NR3C2: variants seen among roughly 807,000 people sequenced by gnomAD.
NR3C2 encodes nuclear receptor subfamily 3 group C member 2.
NR3C2 carries 15 observed loss-of-function variants against 86.4 expected under a neutral mutation model. The observed-to-expected ratio is 0.17, with a 90% confidence interval of 0.12 to 0.27. The LOEUF is 0.27. Ranked by LOEUF, NR3C2 falls within the 10% of genes least tolerant of loss-of-function variation. NR3C2 has a pLI of 1.00. For missense variants in NR3C2, 960 were observed against 1,195.6 expected (o/e 0.80, Z 2.91); for synonymous variants, 458 against 450.5 (o/e 1.02, Z -0.21).
At chr4:148,389,995 A>T (rs1747458563) in intron 2 of NR3C2, among the ~76,000 whole-genome samples, 1 of 152,126 alleles carries the variant, frequency 6.6e-6, no homozygotes, top group Non-Finnish European at 1.5e-5. Flanking sequence ...AATCGTTCAA[A>T]CTGTTTGCAG....
At chr4:148,258,594 C>A (rs768726126) in intron 3 of NR3C2, among the ~76,000 whole-genome samples, 8 of 152,224 alleles carry the variant, frequency 5.3e-5, no homozygotes, top group East Asian at 1.9e-4. Context: ...CAAGTTCAAT[C>A]TGAGGAGATT....
intron 8 of NR3C2, among the ~76,000 whole-genome samples, 173 bp from the exon 9 acceptor site, chr4:148,081,672 C>T (rs1016091396): frequency 1.3e-5 from 2 of 152,150 alleles, no homozygotes; most frequent in African/African-American, 4.8e-5. Flanking sequence ...GAAGGGTGCT[C>T]ACATCACCCA....
chr4:148,130,819 GTTTT>G (rs376180676), intron 6 of NR3C2, among the ~76,000 whole-genome samples: 32,060 of 108,890 alleles, frequency 0.29, 4,987 homozygotes, highest in Middle Eastern at 0.45. Flanking sequence ...GTTTTGTTTT[GTTTT>G]TTTTTTTTTT....
At chr4:148,116,725 A>T (rs904249678) in intron 7 of NR3C2, among the ~76,000 whole-genome samples, 1 of 152,250 alleles carries the variant, frequency 6.6e-6, no homozygotes, top group East Asian at 1.9e-4. Context: ...ATTGAAAAAA[A>T]ATCAGAATTC....
At chr4:148,119,488 T>G (rs961608294) in intron 7 of NR3C2, among the ~76,000 whole-genome samples, 1 of 152,152 alleles carries the variant, frequency 6.6e-6, no homozygotes, top group Non-Finnish European at 1.5e-5. Context: ...ATAATTACTT[T>G]CCATATGTAT....
Position 148,435,760 on chromosome 4 carries a change from T to C in NR3C2, c.1101A>G (p.Lys367=), listed in dbSNP as rs1258260316. Residue 367 remains lysine, a synonymous_variant, in exon 2 of 9, where the codon AAA becomes AAG. Transcript: ENST00000358102. Reference sequence around the variant, plus strand: ...TAGGAAAAGGGACCTCTTGAGCACCTTTCTCCTGCGTGTCTGGACTGGGAA... The same window carrying C: ...TAGGAAAAGGGACCTCTTGAGCACCCTTCTCCTGCGTGTCTGGACTGGGAA... ...DVVPSPDTQE[K]GAQEVPFPKT... The C allele has an allele frequency of 3.1e-6, 5 of 1,614,052 alleles. No homozygotes were observed. The African/African-American group carries it at 6.7e-5, about 22-fold the overall frequency.
chr4:148,187,119 T>C (rs1208534760), intron 4 of NR3C2, among the ~76,000 whole-genome samples: 1 of 150,198 alleles, frequency 6.7e-6, no homozygotes, highest in Non-Finnish European at 1.5e-5. Context: ...TGTTGATTGA[T>C]GGGCATTTGG....
intron 2 of NR3C2, among the ~76,000 whole-genome samples, chr4:148,351,050 T>C (rs1262235956): frequency 4.0e-5 from 6 of 151,746 alleles, no homozygotes; most frequent in Admixed American, 6.6e-5. Context: ...CAGCCTCAAG[T>C]GTCTGTGTTT....
intron 2 of NR3C2, among the ~76,000 whole-genome samples, chr4:148,330,259 A>G (rs1744164813): frequency 6.6e-6 from 1 of 152,174 alleles, no homozygotes; most frequent in Non-Finnish European, 1.5e-5. Flanking sequence ...TTCATTCTCA[A>G]TAGGCATCTA....
intron 2 of NR3C2, among the ~76,000 whole-genome samples, chr4:148,393,127 A>T (rs1421554225): frequency 1.3e-5 from 2 of 152,244 alleles, no homozygotes; most frequent in Non-Finnish European, 2.9e-5. Flanking sequence ...AGCAATTCAC[A>T]AATTAATTTC....
chr4:148,085,966 C>T (rs1354176983), intron 8 of NR3C2, among the ~76,000 whole-genome samples: 1 of 152,144 alleles, frequency 6.6e-6, no homozygotes, highest in Admixed American at 6.5e-5. Flanking sequence ...ATAACAAGTT[C>T]TGAAATTGGG....
intron 3 of NR3C2, among the ~76,000 whole-genome samples, chr4:148,252,602 A>G (rs1054424222): frequency 2.0e-5 from 3 of 152,226 alleles, no homozygotes; most frequent in Non-Finnish European, 4.4e-5. Flanking sequence ...AAAGTAGCTC[A>G]TGAAAATTTT....
intron 2 of NR3C2, among the ~76,000 whole-genome samples, chr4:148,271,456 A>G (rs1357591258): frequency 1.3e-5 from 1 of 78,324 alleles, no homozygotes; most frequent in Non-Finnish European, 2.4e-5. Flanking sequence ...GGTTTCAGAA[A>G]GGCTGTTTTT....
chr4:148,080,591 C>T lies in NR3C2; in HGVS notation c.*753G>A, dbSNP rs1730499697. ...GTATGTGTCTCATTTACAAAAGATC[C>T]TTATACCTTATTTCAGGTCCTTCAT... On this transcript the variant is annotated 3_prime_UTR_variant, in exon 9 of 9. Transcript: ENST00000358102. 1 of 157,648 alleles carries T rather than the reference C, an allele frequency of 6.3e-6. No individual in the cohort carries two copies. Among genetic ancestry groups the T allele is most frequent in the African/African-American group, 2.4e-5 (1 of 41,670 alleles). 9.8% of individuals were successfully genotyped at this position (157,648 alleles called of 1,614,324 possible). A position where few individuals can be genotyped will look rare whatever the true frequency, so the allele number is the denominator to read the frequency against.
intron 3 of NR3C2, among the ~76,000 whole-genome samples, chr4:148,258,277 T>C (rs945700813): frequency 6.6e-6 from 1 of 152,176 alleles, no homozygotes; most frequent in Non-Finnish European, 1.5e-5. Flanking sequence ...AAAGTGGCCT[T>C]AGAAAGATGC....
intron 2 of NR3C2, among the ~76,000 whole-genome samples, chr4:148,349,889 T>C (rs1579191761): frequency 6.6e-6 from 1 of 152,144 alleles, no homozygotes; most frequent in Non-Finnish European, 1.5e-5. Flanking sequence ...GGTAATGTTA[T>C]AAGGCTGCAG....
intron 2 of NR3C2, among the ~76,000 whole-genome samples, chr4:148,321,862 C>A (rs1474094046): frequency 3.3e-5 from 5 of 152,084 alleles, no homozygotes; most frequent in Non-Finnish European, 7.4e-5. Context: ...TTAATTGGAG[C>A]ATTTAGTCCA....
At chr4:148,354,735 C>T (rs1440301781) in intron 2 of NR3C2, among the ~76,000 whole-genome samples, 1 of 151,842 alleles carries the variant, frequency 6.6e-6, no homozygotes, top group African/African-American at 2.4e-5. Flanking sequence ...TATAAAGTAT[C>T]TCCAAAAGAA....
At position 148,120,249 on chromosome 4, in the gene NR3C2, C is replaced by T; in HGVS notation, c.2550G>A (p.Gln850=). Residue 850 remains glutamine, a synonymous_variant, in exon 7 of 9, where the codon CAG becomes CAA. Coordinates refer to ENST00000358102, the MANE Select transcript of NR3C2 (RefSeq NM_000901.5). The stretch of plus-strand genomic sequence containing the variant: ...ACTGAAGGCTGATTTGGTGCATCCC[C>T]TGGCATAGTTCATACATGGCAGACT... The part of the protein sequence containing the change: ...MHQSAMYELC[Q]GMHQISLQFV... 1 of 1,614,156 alleles carries T rather than the reference C, an allele frequency of 6.2e-7. No homozygotes were observed. The highest frequency in any genetic ancestry group is 8.5e-7 in the Non-Finnish European group (1 of 1,180,004).
Sources: allele counts gnomAD v4.1 joint callset (sites outside exome capture counted in the v4.1 genomes callset), GRCh38; gene constraint gnomAD v4.1.1; transcripts MANE v1.5; gene names NCBI Gene and HGNC (gene_info 2026-07-23, HGNC 2026-07-21).